The following SGSM3 variants were observed in gnomAD, a reference collection of about 807,000 sequenced individuals.
SGSM3 encodes small G protein signaling modulator 3, also known as RUN and SH3 containing 3.
A neutral mutation model predicts 100.5 loss-of-function variants in SGSM3; 96 were observed. The observed-to-expected ratio is 0.96, with a 90% CI of 0.81 to 1.13. SGSM3 has a LOEUF of 1.13. Ranked by LOEUF, SGSM3 falls within the 50% of genes most tolerant of loss-of-function variation. SGSM3 has a pLI of 0.00. For missense variants in SGSM3, 1,001 were observed against 1,015.8 expected (o/e 0.99, Z 0.20); for synonymous variants, 483 against 422.8 (o/e 1.14, Z -1.75).
In SGSM3 at chr22:40,407,855, G is replaced by A. The variant is rs771553095; in HGVS notation, c.1579+12G>A. 6.2e-6 allele frequency: 10 copies of A among 1,608,294 alleles called. No individual in the cohort carries two copies. The highest frequency in any genetic ancestry group is 8.5e-6 in the Non-Finnish European group (10 of 1,177,226). ...CAACGGCCTGCGAGGTGGGGTCCTT[G>A]GTCTGCTCTTGAGCTGGGAGAGGGA... On this transcript the variant is annotated intron_variant, in intron 14 of 21. Transcript: ENST00000248929. This position sits in a 1 kb window ranked among gnomAD's most constrained non-coding sequence, Gnocchi z 4.7.
chr22:40,410,260 C>CATGGACTGAATAAGCTACCCACCCCTTCA lies in SGSM3; in HGVS notation c.*515_*516insCTACCCACCCCTTCAATGGACTGAATAAG. On this transcript the variant is annotated 3_prime_UTR_variant, in exon 22 of 22. Transcript: ENST00000248929. ...ACCCAGCTGTGCTACCCACCCCTTC[C>CATGGACTGAATAAGCTACCCACCCCTTCA]ATGGACTGAATAAGATGGACTAACA... is the stretch of plus-strand genomic sequence containing the variant. 1 of 825,386 alleles carries CATGGACTGAATAAGCTACCCACCCCTTCA rather than the reference C, an allele frequency of 1.2e-6. No homozygotes were observed. The highest frequency in any genetic ancestry group is 1.5e-6 in the Non-Finnish European group (1 of 663,106). The allele number at this position is 825,386 out of a possible 1,614,324, so 51.1% of individuals were successfully genotyped here. A position where few individuals can be genotyped will look rare whatever the true frequency, so the allele number is the denominator to read the frequency against.
intron 1 of SGSM3, among the ~76,000 whole-genome samples, chr22:40,373,167 G>A (rs1459751795): frequency 6.6e-6 from 1 of 152,200 alleles, no homozygotes; most frequent in Non-Finnish European, 1.5e-5. Flanking sequence ...ACAGGTCACT[G>A]TAAGTGACAG....
At chr22:40,408,740 G>C (rs1184294681) in intron 17 of SGSM3, 43 bp downstream of exon 17, 1 of 1,613,930 alleles carries the variant, frequency 6.2e-7, no homozygotes, top group Non-Finnish European at 8.5e-7. Context: ...CCAGCAGTGG[G>C]AGGGCGGGGC....
chr22:40,375,104 CTA>C (rs1453825128), intron 1 of SGSM3, among the ~76,000 whole-genome samples: 1 of 152,160 alleles, frequency 6.6e-6, no homozygotes, highest in African/African-American at 2.4e-5. Flanking sequence ...GCACAGTTAA[CTA>C]TTAACTGTCT....
intron 1 of SGSM3, among the ~76,000 whole-genome samples, chr22:40,390,854 G>C (rs2049254931): frequency 6.6e-6 from 1 of 152,152 alleles, no homozygotes; most frequent in Non-Finnish European, 1.5e-5. Context: ...AGAGAGCCAA[G>C]GCACAGGAAA....
At chr22:40,376,529 A>G (rs1316332842) in intron 1 of SGSM3, 1 of 152,172 alleles carries the variant, frequency 6.6e-6, no homozygotes, top group African/African-American at 2.4e-5. Context: ...CAAAAATGGA[A>G]TAATTAGTGC....
Position 40,408,364 on chromosome 22 carries a change from G to T in SGSM3, c.1717G>T (p.Glu573Ter). The stretch of plus-strand genomic sequence containing the variant: ...CTGCCCGGCCCTTAAGGCCCTGTTC[G>T]AACATGGACTGAAGAAGCCATCCCT... ...TLCPALKALF[E>*]HGLKKPSLLG... Residue 573 changes from glutamate to a stop codon, truncating the protein, a stop_gained, in exon 16 of 22, where the codon GAA becomes TAA. Transcript: ENST00000248929. LOFTEE classifies it high-confidence loss of function. The T allele has an allele frequency of 1.2e-6, 2 of 1,613,564 alleles. No homozygotes were observed. The highest frequency in any genetic ancestry group is 1.7e-6 in the Non-Finnish European group (2 of 1,179,992).
intron 4 of SGSM3, 51 bp downstream of exon 4, chr22:40,402,256 G>C: frequency 7.2e-7 from 1 of 1,395,276 alleles, no homozygotes; most frequent in South Asian, 1.2e-5. Flanking sequence ...CTTTGGGGAG[G>C]ACTCCGCTCC....
At chr22:40,385,215 T>C (rs990440895) in intron 1 of SGSM3, among the ~76,000 whole-genome samples, 3 of 152,150 alleles carry the variant, frequency 2.0e-5, no homozygotes, top group African/African-American at 7.2e-5. Flanking sequence ...GAAACCAGTT[T>C]AGGTGGTGAC....
At chr22:40,385,277 G>A (rs1283436763) in intron 1 of SGSM3, among the ~76,000 whole-genome samples, 2 of 152,196 alleles carry the variant, frequency 1.3e-5, no homozygotes, top group Admixed American at 1.3e-4. Flanking sequence ...AAGCATGGGC[G>A]CTTTTAAAAA....
At chr22:40,370,776 G>T (rs936097569) in intron 1 of SGSM3, 88 bp downstream of exon 1, 9 of 152,434 alleles carry the variant, frequency 5.9e-5, no homozygotes, top group Non-Finnish European at 1.0e-4. Context: ...TGGTCGGACT[G>T]TCCGACCGAG....
chr22:40,406,806 T>A, intron 10 of SGSM3, 144 bp downstream of exon 10: 2 of 881,642 alleles, frequency 2.3e-6, no homozygotes, highest in Admixed American at 2.1e-5. Flanking sequence ...ACCACAGCTG[T>A]GGGGTGATCC....
rs1031749047 is a variant in SGSM3, at chr22:40,404,026, G to A, written c.158-221G>A. On this transcript the variant is annotated intron_variant, in intron 4 of 21. Transcript: ENST00000248929. ...ATCCGGGTAGTACTATGGTAGGAGT[G>A]GCTTTGAGGAGAAGGTGAAGAGCTT... 3.7e-5 allele frequency: 15 copies of A among 407,784 alleles called. No homozygotes were observed. The South Asian group carries it at 4.6e-4, about 12-fold the overall frequency. 25.3% of individuals were successfully genotyped at this position (407,784 alleles called of 1,614,324 possible).
chr22:40,404,065 G>A (rs2051114290), intron 4 of SGSM3, 182 bp from the exon 5 acceptor site: 2 of 465,792 alleles, frequency 4.3e-6, no homozygotes, highest in Middle Eastern at 5.6e-4. Flanking sequence ...TCCTCATGGG[G>A]TACATGTTAG....
chr22:40,383,984 C>T (rs1189851364), intron 1 of SGSM3, among the ~76,000 whole-genome samples: 1 of 152,216 alleles, frequency 6.6e-6, no homozygotes, highest in Non-Finnish European at 1.5e-5. Context: ...CATCATGGCT[C>T]ATGCCTGTAA....
rs1201688607 is a variant in SGSM3 at position 40,406,238 on chromosome 22, C to T, written c.960+15C>T. 6 of 1,613,342 alleles carry T rather than the reference C, an allele frequency of 3.7e-6. No individual in the cohort carries two copies. Among genetic ancestry groups the T allele is most frequent in the Admixed American group, 1.7e-5 (1 of 59,992 alleles). On this transcript the variant is annotated intron_variant, in intron 9 of 21. Coordinates refer to ENST00000248929, the MANE Select transcript of SGSM3 (RefSeq NM_015705.6). ...TGCACCTCAAGGTGCTCCACGGCCC[C>T]ACTTCAGGCTGAGGAGTAGGCACCC...
At chr22:40,396,975 T>A (rs578074197) in intron 1 of SGSM3, among the ~76,000 whole-genome samples, 1 of 152,202 alleles carries the variant, frequency 6.6e-6, no homozygotes, top group Non-Finnish European at 1.5e-5. Context: ...CCTCAAAGGT[T>A]CCTAAATCAA....
chr22:40,406,627 C>T lies in SGSM3; in HGVS notation c.1150C>T (p.Leu384Phe), dbSNP rs139978626. The T allele has an allele frequency of 2.1e-4, 343 of 1,608,084 alleles. No individual in the cohort carries two copies. Among genetic ancestry groups the T allele is most frequent in the Non-Finnish European group, 2.8e-4 (332 of 1,176,120 alleles). The change falls in exon 10 of 22, where the codon CTC becomes TTC. Residue 384 changes from leucine (L) to phenylalanine (F), a missense_variant. Transcript: ENST00000248929. ...LAYLIADQGQLLGAGTLTNLS... is the reference protein window; with the variant it reads ...LAYLIADQGQFLGAGTLTNLS... ...CTATCTCATTGCAGACCAGGGCCAGCTCCTGGGGGCCGGCACCCTCACCAA... is the reference window on the plus strand; with the variant it reads ...CTATCTCATTGCAGACCAGGGCCAGTTCCTGGGGGCCGGCACCCTCACCAA...
At position 40,408,709 on chromosome 22, in the gene SGSM3, C is replaced by CG; in HGVS notation, c.1853+15dup. 1 of 1,613,980 alleles carries CG rather than the reference C, an allele frequency of 6.2e-7. No individual in the cohort carries two copies. Among genetic ancestry groups the CG allele is most frequent in the Non-Finnish European group, 8.5e-7 (1 of 1,180,034 alleles). ...TGTAAGACCTTCAGGTAACTCGGCC[C>CG]GGGTTCTTCTGGTGGGGTCACCAGC... On this transcript the variant is annotated intron_variant, in intron 17 of 21. Transcript: ENST00000248929.
Sources: allele counts gnomAD v4.1 joint callset (sites outside exome capture counted in the v4.1 genomes callset), GRCh38; gene constraint gnomAD v4.1.1; non-coding constraint Gnocchi (gnomAD v3.1); transcripts MANE v1.5; gene names NCBI Gene and HGNC (gene_info 2026-07-23, HGNC 2026-07-21).